ZNF25: variants seen among roughly 807,000 people sequenced by gnomAD.
The protein encoded by ZNF25 is zinc finger protein 25.
ZNF25 carries 21 observed loss-of-function variants against 30.9 expected under a neutral mutation model. The ratio of observed to expected loss-of-function variants is 0.68; its 90% CI spans 0.48 to 0.98. ZNF25 has a LOEUF of 0.98. Ranked by LOEUF, ZNF25 falls within the 50% of genes least tolerant of loss-of-function variation. The pLI is 0.00. For synonymous variants in ZNF25, 169 were observed against 181.3 expected, an observed-to-expected ratio of 0.93 and a Z score of 0.55; for missense variants, 501 against 529.9, an observed-to-expected ratio of 0.95 and a Z score of 0.54.
At chr10:37,956,515 G>C (rs1332335071) in intron 4 of ZNF25, among the ~76,000 whole-genome samples, 1 of 152,190 alleles carries the variant, frequency 6.6e-6, no homozygotes, top group Non-Finnish European at 1.5e-5. Flanking sequence ...GTCTAGCAAA[G>C]AAGAGAATTT....
At chr10:37,963,674 G>T (rs1321336654) in intron 2 of ZNF25, among the ~76,000 whole-genome samples, 1 of 152,080 alleles carries the variant, frequency 6.6e-6, no homozygotes, top group Non-Finnish European at 1.5e-5. Flanking sequence ...ATGAGATCTG[G>T]TTGTTTAAAA....
intron 3 of ZNF25, 57 bp downstream of exon 3, chr10:37,957,363 T>G (rs2062598194): frequency 1.3e-6 from 2 of 1,575,462 alleles, no homozygotes; most frequent in Non-Finnish European, 1.7e-6. Flanking sequence ...TATACTCCAG[T>G]AACTGAGAAG....
At chr10:37,965,023 G>A (rs2063104652) in intron 2 of ZNF25, among the ~76,000 whole-genome samples, 3 of 152,136 alleles carry the variant, frequency 2.0e-5, no homozygotes, top group African/African-American at 7.2e-5. Context: ...TCAGCTCAAG[G>A]GGGTCCAGGT....
intron 2 of ZNF25, among the ~76,000 whole-genome samples, chr10:37,963,507 A>C (rs2063007188): frequency 6.6e-6 from 1 of 152,294 alleles, no homozygotes; most frequent in African/African-American, 2.4e-5. Flanking sequence ...CTACTGATAC[A>C]GTTTGGATGT....
chr10:37,968,986 G>C (rs1464193515), intron 2 of ZNF25, among the ~76,000 whole-genome samples: 4 of 151,820 alleles, frequency 2.6e-5, no homozygotes, highest in Non-Finnish European at 4.4e-5. Flanking sequence ...TGGCCAAAAA[G>C]CACACTAGAA....
intron 2 of ZNF25, chr10:37,968,062 T>C (rs2063284515): frequency 1.3e-5 from 2 of 152,212 alleles, no homozygotes; most frequent in Non-Finnish European, 2.9e-5. Flanking sequence ...CTGGAAAATA[T>C]TTGCAAATCA....
chr10:37,974,075 C>A (rs187762356), intron 1 of ZNF25, among the ~76,000 whole-genome samples: 4 of 152,172 alleles, frequency 2.6e-5, no homozygotes, highest in African/African-American at 7.2e-5. Flanking sequence ...GATATCCATA[C>A]GCAGAAGAAT....
chr10:37,976,461 C>T lies in ZNF25; in HGVS notation c.-86+45G>A, dbSNP rs1347220921. On this transcript the variant is annotated intron_variant, in intron 1 of 5. Coordinates refer to ENST00000302609, the MANE Select transcript of ZNF25 (RefSeq NM_145011.4). ...CAGGAGGCGGCTTCCAGGCTCGAGA[C>T]CCCGCCTCCCAGGCCCTGCCCGCCC... The T allele has an allele frequency of 3.3e-5, 5 of 152,424 alleles. No homozygotes were observed. The East Asian group carries it at 7.7e-4, about 24-fold the overall frequency. 9.4% of individuals were successfully genotyped at this position (152,424 alleles called of 1,614,324 possible). A position where few individuals can be genotyped will look rare whatever the true frequency, so the allele number is the denominator to read the frequency against.
intron 2 of ZNF25, among the ~76,000 whole-genome samples, chr10:37,969,442 A>G (rs901772687): frequency 3.9e-5 from 6 of 152,222 alleles, no homozygotes; most frequent in African/African-American, 1.4e-4. Flanking sequence ...CATAAAAAGG[A>G]ATGATGTACT....
At chr10:37,963,591 T>C (rs2063011711) in intron 2 of ZNF25, among the ~76,000 whole-genome samples, 1 of 152,058 alleles carries the variant, frequency 6.6e-6, no homozygotes, top group African/African-American at 2.4e-5. Context: ...GGTATTTGGG[T>C]CATGGGGGTG....
chr10:37,967,125 C>T (rs1278623926), intron 2 of ZNF25, among the ~76,000 whole-genome samples: 1 of 152,126 alleles, frequency 6.6e-6, no homozygotes, highest in Non-Finnish European at 1.5e-5. Context: ...GACAATACTA[C>T]CCAAAGAAAT....
At chr10:37,953,515 G>A (rs1348769356) in intron 5 of ZNF25, among the ~76,000 whole-genome samples, 180 bp downstream of exon 5, 1 of 152,148 alleles carries the variant, frequency 6.6e-6, no homozygotes. Context: ...TCAATCTCCC[G>A]ATCCTGCACA....
chr10:37,975,985 G>A (rs2749591), intron 1 of ZNF25, among the ~76,000 whole-genome samples: 1 of 152,198 alleles, frequency 6.6e-6, no homozygotes, highest in African/African-American at 2.4e-5. Context: ...TATTTTAATA[G>A]AGATGGTTAA....
At chr10:37,954,871 A>G (rs2799496) in intron 4 of ZNF25, among the ~76,000 whole-genome samples, 133,423 of 152,172 alleles carry the variant, frequency 0.88, 58,624 homozygotes, top group South Asian at 0.94. Flanking sequence ...TCATATGTAT[A>G]AGCCAGGAAC....
Position 37,953,746 on chromosome 10 carries a change from C to A in ZNF25, c.251G>T (p.Ser84Ile), listed in dbSNP as rs2062337771. Residue 84 changes from serine to isoleucine, a missense_variant, in exon 5 of 6, where the codon AGC becomes ATC. Transcript: ENST00000302609. The part of the protein sequence containing the change: ...PHRGFPEDLW[S>I]IHDLEARYQE... ...GTATCTTGCTTCTAGATCATGAATG[C>A]TCCATAGGTCTTCTACAAGGGAACC... The A allele has an allele frequency of 6.2e-7, 1 of 1,613,816 alleles. No individual in the cohort carries two copies. The highest frequency in any genetic ancestry group is 2.2e-5 in the East Asian group (1 of 44,858).
intron 2 of ZNF25, among the ~76,000 whole-genome samples, chr10:37,961,703 C>T (rs1277759352): frequency 6.8e-6 from 1 of 147,918 alleles, no homozygotes; most frequent in Admixed American, 6.7e-5. Context: ...AGGCAGATCA[C>T]CTGAGGTCGG....
rs200209307 is a variant in ZNF25 at position 37,952,215 on chromosome 10, C to T, written c.1283G>A (p.Cys428Tyr). 6.9e-5 allele frequency: 111 copies of T among 1,613,836 alleles called. No individual in the cohort carries two copies. The highest frequency in any genetic ancestry group is 1.6e-4 in the Middle Eastern group (1 of 6,084). ...RKHTGEKPYE[C>Y]QECGETFIQK... The stretch of plus-strand genomic sequence containing the variant: ...GATAAAGGTTTCCCCACACTCCTGA[C>T]ACTCATAGGGCTTCTCCCCTGTGTG... Residue 428 changes from cysteine (C) to tyrosine (Y), a missense_variant, in exon 6 of 6, where the codon TGT (cysteine) becomes TAT (tyrosine). Physicochemically the swap from Cys to Tyr is radical, Grantham distance 194. Transcript: ENST00000302609.
At chr10:37,953,536 G>A (rs1202140988) in intron 5 of ZNF25, among the ~76,000 whole-genome samples, 159 bp downstream of exon 5, 1 of 152,248 alleles carries the variant, frequency 6.6e-6, no homozygotes, top group Non-Finnish European at 1.5e-5. Flanking sequence ...AGGTCTCTAT[G>A]AAAAGGGGCA....
intron 2 of ZNF25, among the ~76,000 whole-genome samples, chr10:37,967,107 G>A (rs867144671): frequency 1.3e-5 from 2 of 152,124 alleles, no homozygotes; most frequent in Non-Finnish European, 2.9e-5. Flanking sequence ...ACTTAATATG[G>A]TTCAAATGAC....
Sources: gnomAD v4.1 joint callset for allele counts (sites outside exome capture counted in the v4.1 genomes callset) on GRCh38, gnomAD v4.1.1 for gene constraint, MANE v1.5 for transcripts, NCBI Gene and HGNC (gene_info 2026-07-23, HGNC 2026-07-21) for gene names.